MAP3K20: variants seen among roughly 807,000 people sequenced by gnomAD.
MAP3K20 encodes mitogen-activated protein kinase kinase kinase 20.
A neutral mutation model predicts 85.7 loss-of-function variants in MAP3K20; 40 were observed. That is an observed-to-expected ratio of 0.47 (90% CI 0.36 to 0.61). MAP3K20 has a LOEUF of 0.61. Ranked by LOEUF, MAP3K20 falls within the 20% of genes least tolerant of loss-of-function variation. The pLI is 0.00. For missense variants in MAP3K20, 817 were observed against 961.7 expected (o/e 0.85, Z 1.99); for synonymous variants, 325 against 327.7 (o/e 0.99, Z 0.09).
intron 2 of MAP3K20, among the ~76,000 whole-genome samples, chr2:173,131,006 A>G (rs1233761225): frequency 6.6e-6 from 1 of 152,190 alleles, no homozygotes; most frequent in African/African-American, 2.4e-5. Flanking sequence ...TGTGCATGCT[A>G]TTTATTAGGG....
At chr2:173,199,858 G>T (rs1040838440) in intron 8 of MAP3K20, among the ~76,000 whole-genome samples, 11 of 152,106 alleles carry the variant, frequency 7.2e-5, no homozygotes, top group Non-Finnish European at 1.6e-4. Context: ...AATGAATTTA[G>T]AAGCTGCCTG....
rs188986460 is a variant in MAP3K20, at chr2:173,164,408, T to A, written c.160-5397T>A. 3.3e-3 allele frequency among the ~76,000 whole-genome samples: 501 copies of A among 152,322 alleles called. 1 individual carries two copies. Among genetic ancestry groups the A allele is most frequent in the African/African-American group, 0.011 (477 of 41,572 alleles). ...TGCCTACTTTTTAATGGGGTTGTTT[T>A]TTGCTTGTAAACTTTTTTAAGTTCC... On this transcript the variant is annotated intron_variant, in intron 2 of 19. Transcript: ENST00000375213.
Position 173,221,931 on chromosome 2 carries a change from T to C in MAP3K20, c.987+4681T>C, listed in dbSNP as rs796376452. The C allele has an allele frequency of 2.7e-5, 27 of 988,352 alleles. No individual in the cohort carries two copies. In the African/African-American group the frequency reaches 4.5e-4, roughly 17 times the overall value. The allele number at this position is 988,352 out of a possible 1,614,324, so 61.2% of individuals were successfully genotyped here. Reference sequence around the variant, plus strand: ...TGAACAAACACTCTTAACTCCTAATTGTTCTTTGACACGTAGTAATTCTGT... The same window carrying C: ...TGAACAAACACTCTTAACTCCTAATCGTTCTTTGACACGTAGTAATTCTGT... On this transcript the variant is annotated intron_variant, in intron 11 of 19. Transcript: ENST00000375213.
In MAP3K20 at chr2:173,134,965, A is replaced by G. The variant is rs147962422; in HGVS notation, c.160-34840A>G. 3.4e-3 allele frequency among the ~76,000 whole-genome samples: 519 copies of G among 152,306 alleles called. 2 individuals are homozygous for G. The highest frequency in any genetic ancestry group is 0.012 in the African/African-American group (498 of 41,562). On this transcript the variant is annotated intron_variant, in intron 2 of 19. Transcript: ENST00000375213. ...TTAGTCCTCAGGCAAGTTCTTTAAC[A>G]TATTTGTGCCTTAGTCTCCTCATTT...
At chr2:173,224,015 C>T (rs563120902) in intron 11 of MAP3K20, 1 of 983,644 alleles carries the variant, frequency 1.0e-6, no homozygotes, top group Non-Finnish European at 1.2e-6. Context: ...GTGCCAGACA[C>T]TGTTCTGGAA....
intron 2 of MAP3K20, among the ~76,000 whole-genome samples, chr2:173,158,476 A>G (rs928388048): frequency 4.6e-5 from 7 of 152,200 alleles, no homozygotes; most frequent in African/African-American, 9.7e-5. Flanking sequence ...ATACAATACA[A>G]TATCTCATTT....
intron 9 of MAP3K20, among the ~76,000 whole-genome samples, chr2:173,205,797 CTTTTTA>C (rs1683664717): frequency 6.6e-6 from 1 of 151,754 alleles, no homozygotes; most frequent in Non-Finnish European, 1.5e-5. Flanking sequence ...GATTGTTGTT[CTTTTTA>C]TTAGTATTTG....
At chr2:173,222,316 T>C in intron 11 of MAP3K20, 1 of 985,900 alleles carries the variant, frequency 1.0e-6, no homozygotes, top group Non-Finnish European at 1.2e-6. Flanking sequence ...TGCTGAGAAT[T>C]TTTAGTACTA....
At chr2:173,129,539 C>G (rs549871726) in intron 2 of MAP3K20, among the ~76,000 whole-genome samples, 9 of 152,290 alleles carry the variant, frequency 5.9e-5, no homozygotes, top group African/African-American at 1.9e-4. Flanking sequence ...AGCATTATCA[C>G]TGTTTTACAT....
intron 1 of MAP3K20, among the ~76,000 whole-genome samples, chr2:173,076,275 G>C (rs950806085): frequency 1.3e-5 from 2 of 152,000 alleles, no homozygotes; most frequent in Non-Finnish European, 2.9e-5. Flanking sequence ...CGGTTCGGGA[G>C]AGTTCGGGCC....
intron 16 of MAP3K20, among the ~76,000 whole-genome samples, chr2:173,240,521 G>T (rs1684755792): frequency 6.6e-6 from 1 of 152,180 alleles, no homozygotes; most frequent in Non-Finnish European, 1.5e-5. Context: ...ATGGGCAAAA[G>T]ATCTGCATAG....
intron 3 of MAP3K20, among the ~76,000 whole-genome samples, chr2:173,174,015 T>C (rs1480236125): frequency 6.6e-6 from 1 of 152,070 alleles, no homozygotes; most frequent in Non-Finnish European, 1.5e-5. Flanking sequence ...TGTAACTATA[T>C]GTGTATATAG....
At chr2:173,143,237 A>G (rs1574052728) in intron 2 of MAP3K20, among the ~76,000 whole-genome samples, 3 of 152,306 alleles carry the variant, frequency 2.0e-5, no homozygotes, top group African/African-American at 7.2e-5. Context: ...AAGTATTACT[A>G]AAGATAAAAT....
intron 11 of MAP3K20, chr2:173,224,990 A>G (rs1212891489): frequency 1.1e-5 from 11 of 983,584 alleles, no homozygotes; most frequent in Admixed American, 6.2e-5. Context: ...GTTAAAAGAA[A>G]CAGTGAGAAA....
chr2:173,232,496 CT>C (rs759417325), intron 14 of MAP3K20, 37 bp downstream of exon 14: 5 of 1,600,864 alleles, frequency 3.1e-6, no homozygotes, highest in Admixed American at 1.8e-5. Flanking sequence ...TCAGCAAACC[CT>C]TTTTTTGTTT....
chr2:173,152,248 C>G (rs889410817), intron 2 of MAP3K20, among the ~76,000 whole-genome samples: 1 of 152,118 alleles, frequency 6.6e-6, no homozygotes, highest in East Asian at 1.9e-4. Context: ...TCAGTCATCA[C>G]CAGGTTTATA....
intron 2 of MAP3K20, among the ~76,000 whole-genome samples, chr2:173,128,022 T>C (rs1289604485): frequency 6.6e-6 from 1 of 152,228 alleles, no homozygotes; most frequent in Non-Finnish European, 1.5e-5. Flanking sequence ...ACTGTCCCTC[T>C]GTCAAATGAA....
chr2:173,098,099 T>C (rs1687515626), intron 2 of MAP3K20, among the ~76,000 whole-genome samples: 1 of 152,234 alleles, frequency 6.6e-6, no homozygotes, highest in African/African-American at 2.4e-5. Flanking sequence ...ATTTACTTTC[T>C]TTGTAAATCC....
At chr2:173,109,687 G>C (rs1687886004) in intron 2 of MAP3K20, among the ~76,000 whole-genome samples, 1 of 152,132 alleles carries the variant, frequency 6.6e-6, no homozygotes, top group Admixed American at 6.5e-5. Context: ...GTTTAGAAAA[G>C]AGAGTGTATG....
Sources: gnomAD v4.1 joint callset for allele counts (sites outside exome capture counted in the v4.1 genomes callset) on GRCh38, gnomAD v4.1.1 for gene constraint, MANE v1.5 for transcripts, NCBI Gene and HGNC (gene_info 2026-07-23, HGNC 2026-07-21) for gene names.